FAF1: variants seen among roughly 807,000 people sequenced by gnomAD.
FAF1 encodes the protein Fas associated factor 1, also known as FAS-associated factor 1.
Under a neutral mutation model 92.5 loss-of-function variants are expected in FAF1, and 25 were observed. The ratio of observed to expected loss-of-function variants is 0.27; its 90% confidence interval spans 0.20 to 0.38. The LOEUF (loss-of-function observed/expected upper bound fraction) is 0.38, where lower values mean the gene tolerates loss of function less well. Among genes scored for constraint, FAF1 ranks in the 10% least tolerant of loss-of-function variants. FAF1 has a pLI of 1.00. For synonymous variants in FAF1, 234 were observed against 273.2 expected (o/e 0.86, Z 1.42); for missense variants, 636 against 793.3 (o/e 0.80, Z 2.38).
At chr1:50,464,971 C>G (rs1646476476) in intron 18 of FAF1, among the ~76,000 whole-genome samples, 1 of 152,224 alleles carries the variant, frequency 6.6e-6, no homozygotes, top group African/African-American at 2.4e-5. Flanking sequence ...ATCCAATCAT[C>G]TCTCCAATCT....
At chr1:50,638,634 C>G (rs1654177079) in intron 8 of FAF1, among the ~76,000 whole-genome samples, 1 of 151,952 alleles carries the variant, frequency 6.6e-6, no homozygotes, top group African/African-American at 2.4e-5. Flanking sequence ...TTAGTAGAGA[C>G]AGGGTTTCAC....
At chr1:50,442,746 G>T (rs1238247857) in intron 18 of FAF1, among the ~76,000 whole-genome samples, 3 of 152,152 alleles carry the variant, frequency 2.0e-5, no homozygotes, top group Admixed American at 2.0e-4. Flanking sequence ...AGGCCCTGGG[G>T]GCCAAGGCCA....
chr1:50,678,232 A>G (rs1454985561), intron 7 of FAF1, among the ~76,000 whole-genome samples: 1 of 152,196 alleles, frequency 6.6e-6, no homozygotes, highest in Non-Finnish European at 1.5e-5. Context: ...GAACTTATGA[A>G]AGATTGGAGA....
At chr1:50,617,259 T>G (rs1408745249) in intron 8 of FAF1, among the ~76,000 whole-genome samples, 1 of 152,194 alleles carries the variant, frequency 6.6e-6, no homozygotes, top group Non-Finnish European at 1.5e-5. Context: ...CCATTCAGTA[T>G]AATGTTAGCT....
intron 8 of FAF1, among the ~76,000 whole-genome samples, chr1:50,610,494 G>A (rs1652638069): frequency 6.6e-6 from 1 of 152,084 alleles, no homozygotes; most frequent in South Asian, 2.1e-4. Flanking sequence ...CACGTTAATT[G>A]TTATTGTTGT....
chr1:50,507,980 G>A (rs1444344523), intron 15 of FAF1, among the ~76,000 whole-genome samples: 5 of 152,124 alleles, frequency 3.3e-5, no homozygotes, highest in Admixed American at 6.5e-5. Flanking sequence ...AATGGCTAAG[G>A]ACATAAAAGT....
At chr1:50,747,857 G>A (rs1343191235) in intron 4 of FAF1, among the ~76,000 whole-genome samples, 2 of 152,092 alleles carry the variant, frequency 1.3e-5, no homozygotes. Context: ...GTGTTTAAAA[G>A]TGTGTGCCAC....
At chr1:50,554,796 T>A (rs1415787200) in intron 13 of FAF1, among the ~76,000 whole-genome samples, 1 of 152,164 alleles carries the variant, frequency 6.6e-6, no homozygotes. Context: ...GACAAAGGTC[T>A]CAGGTCAAAT....
chr1:50,445,494 T>C (rs1043131007), intron 18 of FAF1, among the ~76,000 whole-genome samples: 4 of 152,184 alleles, frequency 2.6e-5, no homozygotes, highest in African/African-American at 7.2e-5. Flanking sequence ...AGAAAGAAGT[T>C]GGATGAGATG....
At chr1:50,835,622 C>T (rs984418812) in intron 2 of FAF1, among the ~76,000 whole-genome samples, 4 of 149,338 alleles carry the variant, frequency 2.7e-5, no homozygotes, top group African/African-American at 9.9e-5. Flanking sequence ...AGCCTATTTC[C>T]AAATCTCTAT....
At chr1:50,743,973 A>G (rs1018811046) in intron 5 of FAF1, among the ~76,000 whole-genome samples, 1 of 152,084 alleles carries the variant, frequency 6.6e-6, no homozygotes, top group Non-Finnish European at 1.5e-5. Context: ...TGGGAGGCAG[A>G]AGCAGGAGAA....
At chr1:50,705,738 T>C (rs1657647730) in intron 7 of FAF1, 48 bp downstream of exon 7, 1 of 1,029,070 alleles carries the variant, frequency 9.7e-7, no homozygotes, top group East Asian at 2.4e-5. Flanking sequence ...GGGTCAACAT[T>C]AGCTATAATG....
chr1:50,644,999 A>G, intron 8 of FAF1, among the ~76,000 whole-genome samples: 1 of 152,004 alleles, frequency 6.6e-6, no homozygotes, highest in East Asian at 1.9e-4. Context: ...AATAGAATTC[A>G]TTTCACAACT....
Position 50,895,725 on chromosome 1 carries a change from G to C in FAF1, c.46-37728C>G, listed in dbSNP as rs191613288. On this transcript the variant is annotated intron_variant, in intron 1 of 18. Coordinates refer to ENST00000396153, the MANE Select transcript of FAF1 (RefSeq NM_007051.3). ...AGTGATATTTATCCCAGAGATGCAAGGGTGGTTCAATATACACAAATCAAT... is the reference window on the plus strand; with the variant it reads ...AGTGATATTTATCCCAGAGATGCAACGGTGGTTCAATATACACAAATCAAT... Among the ~76,000 whole-genome samples, 16 of 152,210 alleles carry C rather than the reference G, an allele frequency of 1.1e-4. No homozygotes were observed. In the East Asian group the frequency reaches 3.1e-3, roughly 29 times the overall value.
chr1:50,913,218 G>T (rs1024501214), intron 1 of FAF1, among the ~76,000 whole-genome samples: 1 of 152,208 alleles, frequency 6.6e-6, no homozygotes, highest in Non-Finnish European at 1.5e-5. Flanking sequence ...ATAGCAAACT[G>T]CCTGGGACAC....
At chr1:50,708,674 G>C (rs1657793109) in intron 6 of FAF1, among the ~76,000 whole-genome samples, 1 of 151,998 alleles carries the variant, frequency 6.6e-6, no homozygotes, top group Admixed American at 6.6e-5. Flanking sequence ...CAAAAGAGAG[G>C]CCAAGATGGA....
At chr1:50,613,390 G>A (rs1362043189) in intron 8 of FAF1, among the ~76,000 whole-genome samples, 1 of 151,996 alleles carries the variant, frequency 6.6e-6, no homozygotes, top group Non-Finnish European at 1.5e-5. Flanking sequence ...TTGAACTTAC[G>A]CATCTTCATT....
chr1:50,490,644 T>C lies in FAF1; in HGVS notation c.1597A>G (p.Met533Val). ...TGCTCCAAACGAAACTGTTCTGCCA[T>C]CTCTCTCTCGTGAGCTTCCCTCTGT... ...RAKREAHERE[M>V]AEQFRLEQIR... The change falls in exon 17 of 19, where the codon ATG becomes GTG. Residue 533 changes from methionine to valine, a missense_variant. Physicochemically the swap from Met to Val is conservative, Grantham distance 21. This residue lies in a region of FAF1 where 319 missense variants were observed against 451.0 expected (regional missense o/e 0.71). Transcript: ENST00000396153. The C allele has an allele frequency of 6.2e-7, 1 of 1,610,954 alleles. No individual in the cohort carries two copies. Among genetic ancestry groups the C allele is most frequent in the African/African-American group, 1.3e-5 (1 of 74,984 alleles).
At chr1:50,501,142 T>C (rs1268965831) in intron 15 of FAF1, among the ~76,000 whole-genome samples, 3 of 152,154 alleles carry the variant, frequency 2.0e-5, no homozygotes, top group African/African-American at 7.2e-5. Context: ...GCAAATCACA[T>C]TTCAAGTAAA....
Sources: allele counts gnomAD v4.1 joint callset (sites outside exome capture counted in the v4.1 genomes callset), GRCh38; gene constraint gnomAD v4.1.1; regional missense constraint gnomAD v4.1.1; transcripts MANE v1.5; gene names NCBI Gene and HGNC (gene_info 2026-07-23, HGNC 2026-07-21).